The following FGF12 variants were observed in gnomAD, a reference collection of about 807,000 sequenced individuals.
FGF12 encodes fibroblast growth factor 12, also known as fibroblast growth factor 12B.
Under a neutral mutation model 23.6 loss-of-function variants are expected in FGF12, and 14 were observed. The ratio of observed to expected loss-of-function variants is 0.59; its 90% CI spans 0.39 to 0.93. The LOEUF (loss-of-function observed/expected upper bound fraction) is 0.93. Ranked by LOEUF, FGF12 falls within the 40% of genes least tolerant of loss-of-function variation. FGF12 has a pLI of 0.00. For missense variants in FGF12, 175 were observed against 217.8 expected, an observed-to-expected ratio of 0.80 and a Z score of 1.24; for synonymous variants, 62 against 77.3, an observed-to-expected ratio of 0.80 and a Z score of 1.04.
chr3:192,692,736 A>G (rs78379345), intron 2 of FGF12, among the ~76,000 whole-genome samples: 3,994 of 152,072 alleles, frequency 0.026, 71 homozygotes, highest in Middle Eastern at 0.082. Context: ...AATCATTTTA[A>G]TAAATGCAGA....
intron 2 of FGF12, among the ~76,000 whole-genome samples, chr3:192,468,167 T>C (rs1400231404): frequency 6.6e-6 from 1 of 152,192 alleles, no homozygotes; most frequent in African/African-American, 2.4e-5. Context: ...TGACAATCTT[T>C]TTGGAAAAAT....
At chr3:192,215,705 T>G (rs1349163343) in intron 4 of FGF12, among the ~76,000 whole-genome samples, 3 of 152,194 alleles carry the variant, frequency 2.0e-5, no homozygotes, top group Non-Finnish European at 4.4e-5. Context: ...ATTAGACTGC[T>G]CTCTCTTATT....
chr3:192,474,978 G>A (rs1723277999), intron 2 of FGF12, among the ~76,000 whole-genome samples: 1 of 151,904 alleles, frequency 6.6e-6, no homozygotes, highest in South Asian at 2.1e-4. Context: ...GTGGGCTCTT[G>A]AGTCTTTTGC....
chr3:192,362,917 A>AG, intron 2 of FGF12, among the ~76,000 whole-genome samples: 1 of 152,298 alleles, frequency 6.6e-6, no homozygotes, highest in South Asian at 2.1e-4. Context: ...TACAGGATAT[A>AG]AAACAATAGA....
intron 4 of FGF12, among the ~76,000 whole-genome samples, chr3:192,197,473 A>C (rs1717130515): frequency 6.6e-6 from 1 of 152,196 alleles, no homozygotes; most frequent in South Asian, 2.1e-4. Context: ...TAGCTTTTAT[A>C]AAATGATCTA....
At chr3:192,229,538 T>C (rs1421820555) in intron 4 of FGF12, among the ~76,000 whole-genome samples, 1 of 152,080 alleles carries the variant, frequency 6.6e-6, no homozygotes, top group Non-Finnish European at 1.5e-5. Flanking sequence ...AAAATTGTTT[T>C]TTAGAGTACT....
At chr3:192,390,363 C>A (rs1389914041) in intron 2 of FGF12, among the ~76,000 whole-genome samples, 1 of 152,144 alleles carries the variant, frequency 6.6e-6, no homozygotes, top group Non-Finnish European at 1.5e-5. Context: ...AAGATCTCAC[C>A]AAAGTACAGT....
At chr3:192,614,089 C>G (rs1309642360) in intron 2 of FGF12, among the ~76,000 whole-genome samples, 2 of 151,918 alleles carry the variant, frequency 1.3e-5, no homozygotes, top group African/African-American at 4.8e-5. Context: ...CATATACTTG[C>G]TCCAGGAGTA....
intron 2 of FGF12, among the ~76,000 whole-genome samples, chr3:192,492,407 T>C (rs1490305313): frequency 6.6e-6 from 1 of 152,086 alleles, no homozygotes; most frequent in Non-Finnish European, 1.5e-5. Context: ...TAGGGATTGA[T>C]GTTTTTTTCT....
At chr3:192,607,454 G>A (rs1241586643) in intron 2 of FGF12, among the ~76,000 whole-genome samples, 1 of 152,110 alleles carries the variant, frequency 6.6e-6, no homozygotes, top group Non-Finnish European at 1.5e-5. Context: ...TTTTCATCCT[G>A]CTTTCCACTA....
intron 2 of FGF12, among the ~76,000 whole-genome samples, chr3:192,543,152 A>G (rs1725413087): frequency 6.6e-6 from 1 of 152,248 alleles, no homozygotes; most frequent in African/African-American, 2.4e-5. Flanking sequence ...CCAGTCCCTT[A>G]AGTCAGAAAC....
chr3:192,709,330 G>A (rs1237226962), intron 2 of FGF12, among the ~76,000 whole-genome samples: 1 of 152,178 alleles, frequency 6.6e-6, no homozygotes. Flanking sequence ...TTACATGAAC[G>A]AGTTTGGAGT....
At chr3:192,333,669 C>A (rs76647368) in intron 4 of FGF12, among the ~76,000 whole-genome samples, 1 of 151,930 alleles carries the variant, frequency 6.6e-6, no homozygotes, top group Non-Finnish European at 1.5e-5. Flanking sequence ...ATACAAATGA[C>A]AGATGTATTA....
rs894440509 is a variant in FGF12, at chr3:192,174,323, C to T, written c.229-3667G>A. Among the ~76,000 whole-genome samples the T allele has an allele frequency of 3.3e-5, 5 of 152,138 alleles. No individual in the cohort carries two copies. The East Asian group carries it at 7.7e-4, about 23-fold the overall frequency. On this transcript the variant is annotated intron_variant, in intron 4 of 5. Coordinates refer to ENST00000445105, the MANE Select transcript of FGF12 (RefSeq NM_004113.6). ...GCCAGGAACCGCATTAGGTAGGAACCGGGCTTTGAACTACTAAATTGACAA... is the reference window on the plus strand; with the variant it reads ...GCCAGGAACCGCATTAGGTAGGAACTGGGCTTTGAACTACTAAATTGACAA...
chr3:192,322,567 G>T (rs879781891), intron 4 of FGF12, among the ~76,000 whole-genome samples: 6 of 151,812 alleles, frequency 4.0e-5, no homozygotes, highest in South Asian at 2.1e-4. Context: ...ATTAAAAACT[G>T]AGAGAATCGC....
chr3:192,712,910 A>C (rs1718742207), intron 2 of FGF12, among the ~76,000 whole-genome samples: 1 of 152,194 alleles, frequency 6.6e-6, no homozygotes, highest in African/African-American at 2.4e-5. Flanking sequence ...CATAGCACCC[A>C]GTCATCAGGT....
intron 2 of FGF12, among the ~76,000 whole-genome samples, chr3:192,669,301 G>C (rs1378709086): frequency 6.6e-6 from 1 of 151,978 alleles, no homozygotes; most frequent in African/African-American, 2.4e-5. Context: ...AGCTCTTAAA[G>C]TGTGGTCCCA....
intron 4 of FGF12, among the ~76,000 whole-genome samples, chr3:192,229,751 T>C (rs1013740993): frequency 5.3e-5 from 8 of 152,110 alleles, no homozygotes; most frequent in African/African-American, 1.9e-4. Flanking sequence ...CTACATGCTA[T>C]TCCTATACAG....
chr3:192,222,921 G>A (rs1206610084), intron 4 of FGF12, among the ~76,000 whole-genome samples: 1 of 152,098 alleles, frequency 6.6e-6, no homozygotes, highest in Non-Finnish European at 1.5e-5. Flanking sequence ...TTAAGACTCA[G>A]TGTCTCCATC....
Sources: gnomAD v4.1 joint callset for allele counts (sites outside exome capture counted in the v4.1 genomes callset) on GRCh38, gnomAD v4.1.1 for gene constraint, MANE v1.5 for transcripts, NCBI Gene and HGNC (gene_info 2026-07-23, HGNC 2026-07-21) for gene names.